Variants in COL23A1 observed in about 807,000 individuals in gnomAD.
The protein encoded by COL23A1 is collagen type XXIII alpha 1 chain.
A neutral mutation model predicts 99.3 loss-of-function variants in COL23A1; 97 were observed. That is an observed-to-expected ratio of 0.98 (90% CI 0.83 to 1.16). The LOEUF (loss-of-function observed/expected upper bound fraction) is 1.16. Ranked by LOEUF, COL23A1 falls within the 50% of genes most tolerant of loss-of-function variation. COL23A1 has a pLI of 0.00. For synonymous variants in COL23A1, 320 were observed against 308.2 expected (o/e 1.04, Z -0.40); for missense variants, 762 against 757.4 (o/e 1.01, Z -0.07).
chr5:178,505,543 G>A (rs1758818837), intron 2 of COL23A1, among the ~76,000 whole-genome samples: 1 of 152,070 alleles, frequency 6.6e-6, no homozygotes, highest in African/African-American at 2.4e-5. Flanking sequence ...GAGCCACCAT[G>A]CCCCTGCCTA....
rs576441177 is a variant in COL23A1, at chr5:178,388,191, T to TA, written c.362-81273dup. 6.6e-5 allele frequency among the ~76,000 whole-genome samples: 10 copies of TA among 152,328 alleles called. 1 individual carries two copies. In the South Asian group the frequency reaches 2.1e-3, roughly 32 times the overall value. On this transcript the variant is annotated intron_variant, in intron 2 of 28. Coordinates refer to ENST00000390654, the MANE Select transcript of COL23A1 (RefSeq NM_173465.4). ...TAATTTTTCAGAGACTCCTGAAATG[T>TA]AAGTCTCCCTCCAGCAAGCAGGTCT...
At position 178,370,647 on chromosome 5, in the gene COL23A1, T is replaced by C. The variant is rs565429718; in HGVS notation, c.362-63728A>G. On this transcript the variant is annotated intron_variant, in intron 2 of 28. Transcript: ENST00000390654. ...TGGGAGGTCCAGGCAGGAAGATGGG[T>C]TGCACCCAGGAGATCAGCCTGGGTA... Among the ~76,000 whole-genome samples the C allele has an allele frequency of 5.3e-5, 8 of 152,244 alleles. No homozygotes were observed. In the South Asian group the frequency reaches 1.7e-3, roughly 32 times the overall value.
intron 2 of COL23A1, among the ~76,000 whole-genome samples, chr5:178,545,905 C>G (rs1457438740): frequency 2.0e-5 from 3 of 152,210 alleles, no homozygotes; most frequent in African/African-American, 7.2e-5. Flanking sequence ...AAAACAAACC[C>G]ATAGGGTACA....
intron 2 of COL23A1, among the ~76,000 whole-genome samples, chr5:178,481,031 C>A (rs1478792167): frequency 2.0e-5 from 3 of 150,416 alleles, no homozygotes; most frequent in East Asian, 2.0e-4. Context: ...ACCTGTAATC[C>A]CAGCTACTCA....
Position 178,242,041 on chromosome 5 carries a change from C to G in COL23A1, c.1581+1G>C. Reference sequence around the variant, plus strand: ...GGGCAGGGCCCTCCTCCGACACCTACCACGGGACACGGCTGGTCCAGGCCT... The same window carrying G: ...GGGCAGGGCCCTCCTCCGACACCTAGCACGGGACACGGCTGGTCCAGGCCT... On this transcript the variant is annotated splice_donor_variant, in intron 27 of 28. Transcript: ENST00000390654. LOFTEE classifies it high-confidence loss of function. The G allele has an allele frequency of 6.4e-7, 1 of 1,553,584 alleles. No homozygotes were observed. Among genetic ancestry groups the G allele is most frequent in the Non-Finnish European group, 8.7e-7 (1 of 1,147,772 alleles).
chr5:178,316,850 C>CA (rs141926886), intron 2 of COL23A1, among the ~76,000 whole-genome samples: 31,630 of 132,624 alleles, frequency 0.24, 4,292 homozygotes, highest in African/African-American at 0.42. Flanking sequence ...GACTTCTTTG[C>CA]AAAAAAAAAA....
chr5:178,513,841 T>C lies in COL23A1; in HGVS notation c.361+46841A>G, dbSNP rs1053545255. Among the ~76,000 whole-genome samples, 4 of 148,324 alleles carry C rather than the reference T, an allele frequency of 2.7e-5. No homozygotes were observed. The East Asian group carries it at 8.1e-4, about 30-fold the overall frequency. On this transcript the variant is annotated intron_variant, in intron 2 of 28. Coordinates refer to ENST00000390654, the MANE Select transcript of COL23A1 (RefSeq NM_173465.4). The stretch of plus-strand genomic sequence containing the variant: ...TCAGGGTGTGTCTCCTGCCTAACTT[T>C]TTCCATCATCTTCTGCTTTTTTAAA...
chr5:178,433,525 G>A (rs1283455521), intron 2 of COL23A1, among the ~76,000 whole-genome samples: 2 of 152,134 alleles, frequency 1.3e-5, no homozygotes, highest in African/African-American at 2.4e-5. Flanking sequence ...GGCAATTGGT[G>A]ATTAAACTCA....
chr5:178,366,632 C>T lies in COL23A1; in HGVS notation c.362-59713G>A, dbSNP rs1390721990. Among the ~76,000 whole-genome samples, 1 of 152,180 alleles carries T rather than the reference C, an allele frequency of 6.6e-6. No individual in the cohort carries two copies. Among genetic ancestry groups the T allele is most frequent in the Non-Finnish European group, 1.5e-5 (1 of 68,038 alleles). On this transcript the variant is annotated intron_variant, in intron 2 of 28. Transcript: ENST00000390654. This position sits in a 1 kb window ranked among gnomAD's most constrained non-coding sequence, Gnocchi z 4.4. ...AAGTCCTCGTGTCTCTCTATGTGAG[C>T]CCCCAACCCACTCTCCAGCTACCCC...
intron 6 of COL23A1, among the ~76,000 whole-genome samples, chr5:178,269,534 T>C (rs1371786675): frequency 1.3e-5 from 1 of 75,754 alleles, no homozygotes; most frequent in African/African-American, 5.7e-5. Flanking sequence ...CACCCACCCA[T>C]CTATCCACCC....
chr5:178,465,623 G>A (rs1052081430), intron 2 of COL23A1, among the ~76,000 whole-genome samples: 6 of 152,224 alleles, frequency 3.9e-5, no homozygotes, highest in Admixed American at 1.3e-4. Context: ...TGGCCTCAGC[G>A]TGCTTTCTGC....
intron 2 of COL23A1, among the ~76,000 whole-genome samples, chr5:178,358,485 ATGTG>A (rs770194696): frequency 6.0e-5 from 8 of 133,016 alleles, no homozygotes; most frequent in African/African-American, 1.2e-4. Flanking sequence ...ATGCGTATAT[ATGTG>A]TGTGTATGCG....
intron 2 of COL23A1, among the ~76,000 whole-genome samples, chr5:178,538,027 C>G (rs1486587746): frequency 6.6e-6 from 1 of 152,224 alleles, no homozygotes; most frequent in African/African-American, 2.4e-5. Context: ...ACGTTTGCAG[C>G]CTGTGCCACA....
At chr5:178,356,802 A>G (rs1056691164) in intron 2 of COL23A1, among the ~76,000 whole-genome samples, 15 of 152,062 alleles carry the variant, frequency 9.9e-5, no homozygotes, top group African/African-American at 3.4e-4. Context: ...GAGATTGGCT[A>G]TGCAGCAGGA....
chr5:178,256,537 A>G, intron 14 of COL23A1, 140 bp from the exon 15 acceptor site: 1 of 733,346 alleles, frequency 1.4e-6, no homozygotes, highest in Non-Finnish European at 2.1e-6. Flanking sequence ...GTATGAGAAC[A>G]GCACTCCAGG....
chr5:178,541,693 C>T (rs1028416648), intron 2 of COL23A1, among the ~76,000 whole-genome samples: 3 of 152,240 alleles, frequency 2.0e-5, no homozygotes, highest in Non-Finnish European at 4.4e-5. Flanking sequence ...ACATATACTA[C>T]ATTGTTCGCA....
intron 2 of COL23A1, among the ~76,000 whole-genome samples, chr5:178,493,612 G>A (rs1480376814): frequency 6.6e-6 from 1 of 152,222 alleles, no homozygotes; most frequent in Admixed American, 6.5e-5. Context: ...CAGCCGCTCT[G>A]GCCATCTCCA....
At chr5:178,560,858 G>C in intron 1 of COL23A1, 110 bp from the exon 2 acceptor site, 1 of 1,006,966 alleles carries the variant, frequency 9.9e-7, no homozygotes, top group East Asian at 2.6e-5. Context: ...ACCATCTACA[G>C]TGCTGGGGCT....
chr5:178,470,838 C>G (rs1756707336), intron 2 of COL23A1, among the ~76,000 whole-genome samples: 1 of 152,240 alleles, frequency 6.6e-6, no homozygotes, highest in Admixed American at 6.5e-5. Context: ...GCCGTTCATG[C>G]TGAGAGCTGC....
Sources: allele counts gnomAD v4.1 joint callset (sites outside exome capture counted in the v4.1 genomes callset), GRCh38; gene constraint gnomAD v4.1.1; non-coding constraint Gnocchi (gnomAD v3.1); transcripts MANE v1.5; gene names NCBI Gene and HGNC (gene_info 2026-07-23, HGNC 2026-07-21).